SNTG1: variants seen among roughly 807,000 people sequenced by gnomAD.
SNTG1 encodes syntrophin gamma 1.
A neutral mutation model predicts 74.7 loss-of-function variants in SNTG1; 39 were observed. The ratio of observed to expected loss-of-function variants is 0.52; its 90% CI spans 0.40 to 0.68. The LOEUF is 0.68. SNTG1 is among the 30% of genes least tolerant of loss of function. The pLI, the probability that SNTG1 is intolerant of heterozygous loss-of-function variation, is 0.00. For missense variants in SNTG1, 685 were observed against 609.5 expected, an observed-to-expected ratio of 1.12 and a Z score of -1.30; for synonymous variants, 254 against 217.1, an observed-to-expected ratio of 1.17 and a Z score of -1.49.
At chr8:50,449,438 T>C (rs900221970) in intron 5 of SNTG1, among the ~76,000 whole-genome samples, 5 of 152,228 alleles carry the variant, frequency 3.3e-5, no homozygotes, top group Non-Finnish European at 7.3e-5. Context: ...TATTTGTTGA[T>C]AAATGAAAAC....
chr8:50,687,057 C>T (rs2131417471), intron 15 of SNTG1, among the ~76,000 whole-genome samples: 1 of 150,856 alleles, frequency 6.6e-6, no homozygotes, highest in East Asian at 1.9e-4. Context: ...ATGGCGTGAA[C>T]CCGGGAAGCG....
intron 1 of SNTG1, among the ~76,000 whole-genome samples, chr8:50,116,196 G>C (rs2080814896): frequency 6.6e-6 from 1 of 152,104 alleles, no homozygotes; most frequent in African/African-American, 2.4e-5. Context: ...TTATTAAGTG[G>C]TCAAATTTAG....
intron 1 of SNTG1, among the ~76,000 whole-genome samples, chr8:50,074,586 A>G (rs1821658793): frequency 6.6e-6 from 1 of 152,212 alleles, no homozygotes; most frequent in Non-Finnish European, 1.5e-5. Flanking sequence ...GATTTGTGCC[A>G]CCCCAAAATA....
intron 17 of SNTG1, among the ~76,000 whole-genome samples, chr8:50,738,434 C>A (rs1051198801): frequency 1.3e-5 from 2 of 152,078 alleles, no homozygotes; most frequent in African/African-American, 2.4e-5. Context: ...GGAAAAACAT[C>A]CATGCTCATG....
At chr8:50,168,473 A>G (rs904242048) in intron 1 of SNTG1, among the ~76,000 whole-genome samples, 1 of 152,170 alleles carries the variant, frequency 6.6e-6, no homozygotes, top group African/African-American at 2.4e-5. Flanking sequence ...AGTATACATT[A>G]TAAGATGCAT....
chr8:50,189,655 T>A (rs560877323), intron 2 of SNTG1, among the ~76,000 whole-genome samples: 1 of 152,194 alleles, frequency 6.6e-6, no homozygotes, highest in African/African-American at 2.4e-5. Flanking sequence ...GTACCAAGTC[T>A]GCTGTAAGAC....
In SNTG1 at chr8:50,656,998, A is replaced by T; in HGVS notation, c.939A>T (p.Ser313=). 6.4e-7 allele frequency: 1 copy of T among 1,570,252 alleles called. No individual in the cohort carries two copies. The highest frequency in any genetic ancestry group is 8.6e-7 in the Non-Finnish European group (1 of 1,161,196). Residue 313 remains serine, a synonymous_variant, in exon 14 of 19, where the codon TCA becomes TCT. Transcript: ENST00000642720. ...YSPTFLALRG[S]CLYKFLAPPV... ...CGACCTTCCTGGCCCTGAGGGGCTC[A>T]TGTCTCTACAAGTTTCTGGCACCTC...
intron 2 of SNTG1, among the ~76,000 whole-genome samples, chr8:50,209,480 C>T (rs867216235): frequency 3.9e-5 from 6 of 152,194 alleles, no homozygotes; most frequent in East Asian, 1.9e-4. Flanking sequence ...CAGTAGGGGC[C>T]GACTGACACC....
intron 1 of SNTG1, among the ~76,000 whole-genome samples, chr8:49,928,527 G>T (rs188418889): frequency 6.6e-6 from 1 of 151,954 alleles, no homozygotes; most frequent in Admixed American, 6.6e-5. Flanking sequence ...CACCGCGACC[G>T]GCCAGAGATT....
intron 2 of SNTG1, among the ~76,000 whole-genome samples, chr8:50,356,644 A>G (rs541356239): frequency 6.6e-6 from 1 of 152,032 alleles, no homozygotes; most frequent in Non-Finnish European, 1.5e-5. Flanking sequence ...AAAAGGGACA[A>G]TCTCTCTTTT....
intron 8 of SNTG1, among the ~76,000 whole-genome samples, chr8:50,462,459 G>T (rs1251288640): frequency 7.3e-6 from 1 of 136,316 alleles, no homozygotes; most frequent in Non-Finnish European, 1.6e-5. Context: ...TGGGGTGGCT[G>T]GGGCAATTTC....
intron 1 of SNTG1, among the ~76,000 whole-genome samples, chr8:50,171,694 G>T (rs1048311429): frequency 3.3e-5 from 5 of 152,106 alleles, no homozygotes; most frequent in African/African-American, 4.8e-5. Context: ...TCTGGTTAAG[G>T]GTTCTCGACT....
chr8:50,134,955 A>G (rs987368335), intron 1 of SNTG1, among the ~76,000 whole-genome samples: 5 of 152,172 alleles, frequency 3.3e-5, no homozygotes, highest in Non-Finnish European at 4.4e-5. Context: ...ATAAATAGAA[A>G]CTGTAGCATA....
Position 50,704,642 on chromosome 8 carries a change from C to T in SNTG1, c.1081C>T (p.Gln361Ter). Reference protein sequence around the residue: ...LDRRKQCFTVQSESGEDLYFS... With the variant: ...LDRRKQCFTV ...CCGACGGAAACAGTGCTTCACCGTG[C>T]AGTCTGAGTCTGGGGAGGACCTGTA... is the stretch of plus-strand genomic sequence containing the variant. The change falls in exon 16 of 19, where the codon CAG becomes TAG. Residue 361 changes from glutamine to a stop codon, truncating the protein, a stop_gained. Coordinates refer to ENST00000642720, the MANE Select transcript of SNTG1 (RefSeq NM_018967.5). LOFTEE classifies it high-confidence loss of function. 6.2e-7 allele frequency: 1 copy of T among 1,614,088 alleles called. No individual in the cohort carries two copies. The highest frequency in any genetic ancestry group is 2.2e-5 in the East Asian group (1 of 44,872).
intron 12 of SNTG1, among the ~76,000 whole-genome samples, chr8:50,570,992 C>T (rs1466782561): frequency 6.6e-6 from 1 of 152,042 alleles, no homozygotes; most frequent in African/African-American, 2.4e-5. Flanking sequence ...TACAAGCGTT[C>T]CCCTTTCTCT....
At chr8:50,348,829 C>T (rs1267854792) in intron 2 of SNTG1, among the ~76,000 whole-genome samples, 2 of 152,128 alleles carry the variant, frequency 1.3e-5, no homozygotes, top group East Asian at 3.9e-4. Flanking sequence ...ATCATCATGT[C>T]TATTTTATGG....
At position 50,263,772 on chromosome 8, in the gene SNTG1, C is replaced by T. The variant is rs567898545; in HGVS notation, c.-28+91137C>T. On this transcript the variant is annotated intron_variant, in intron 2 of 18. Transcript: ENST00000642720. The stretch of plus-strand genomic sequence containing the variant: ...ACAATAGTAGCTGGAGACTTCAATA[C>T]AGGTAGAGCAAGCAGAAAAAGCACA... Among the ~76,000 whole-genome samples the T allele has an allele frequency of 2.0e-5, 3 of 152,192 alleles. No homozygotes were observed. In the East Asian group the frequency reaches 5.8e-4, roughly 29 times the overall value.
intron 1 of SNTG1, among the ~76,000 whole-genome samples, chr8:50,098,646 A>G (rs2080016078): frequency 6.6e-6 from 1 of 152,166 alleles, no homozygotes; most frequent in South Asian, 2.1e-4. Flanking sequence ...AATATAGTGG[A>G]GAAAGCATGG....
In SNTG1 at chr8:50,270,861, G is replaced by A. The variant is rs182206779; in HGVS notation, c.-28+98226G>A. ...AGAATAGAGTTTCAATAAAGAATCA[G>A]GAAAGTCACAGCCACACCGTGTGAA... is the stretch of plus-strand genomic sequence containing the variant. On this transcript the variant is annotated intron_variant, in intron 2 of 18. Transcript: ENST00000642720. Among the ~76,000 whole-genome samples the A allele has an allele frequency of 3.2e-3, 481 of 152,276 alleles. 3 individuals carry two copies. Among genetic ancestry groups the A allele is most frequent in the African/African-American group, 0.011 (461 of 41,568 alleles).
Sources: allele counts gnomAD v4.1 joint callset (sites outside exome capture counted in the v4.1 genomes callset), GRCh38; gene constraint gnomAD v4.1.1; transcripts MANE v1.5; gene names NCBI Gene and HGNC (gene_info 2026-07-23, HGNC 2026-07-21).